KIRREL3: variants seen among roughly 807,000 people sequenced by gnomAD.
The protein encoded by KIRREL3 is kin of IRRE-like protein 3.
KIRREL3 carries 36 observed loss-of-function variants against 89.7 expected under a neutral mutation model. That is an observed-to-expected ratio of 0.40 (90% CI 0.31 to 0.53). The LOEUF (loss-of-function observed/expected upper bound fraction) is 0.53. Among genes scored for constraint, KIRREL3 ranks in the 20% least tolerant of loss-of-function variants. The pLI is 0.49. For missense variants in KIRREL3, 864 were observed against 1,056.6 expected (o/e 0.82, Z 2.53); for synonymous variants, 445 against 441.4 (o/e 1.01, Z -0.10).
chr11:126,991,053 T>C lies in KIRREL3; in HGVS notation c.55+9402A>G, dbSNP rs1186894751. ...GTCACCTGTGACATTTGCAGGTGAC[T>C]GACAGAAATGGGCACTGACATGCAT... is the stretch of plus-strand genomic sequence containing the variant. On this transcript the variant is annotated intron_variant, in intron 1 of 16. Transcript: ENST00000525144. The surrounding 1 kb of genome is among the most constrained non-coding windows in gnomAD (Gnocchi z 5.8). Among the ~76,000 whole-genome samples, 1 of 152,192 alleles carries C rather than the reference T, an allele frequency of 6.6e-6. No individual in the cohort carries two copies. The highest frequency in any genetic ancestry group is 1.5e-5 in the Non-Finnish European group (1 of 68,042).
intron 1 of KIRREL3, among the ~76,000 whole-genome samples, chr11:126,665,672 C>T (rs552893074): frequency 5.3e-4 from 81 of 152,296 alleles, no homozygotes; most frequent in Admixed American, 9.8e-4. Flanking sequence ...TGGACTTCTC[C>T]ACCTCCAGAA....
intron 1 of KIRREL3, among the ~76,000 whole-genome samples, chr11:126,880,085 T>C (rs184000270): frequency 1.6e-3 from 248 of 152,336 alleles, no homozygotes; most frequent in Admixed American, 2.5e-3. Context: ...CTTGGATGAA[T>C]GGATTAGCCA....
chr11:126,955,020 T>C lies in KIRREL3; in HGVS notation c.55+45435A>G, dbSNP rs777659087. Reference sequence around the variant, plus strand: ...GCTCAGCTGAGGCTGAGAGGCTGGCTGAAGCAGGAAGAACTGACCCTCTCT... The same window carrying C: ...GCTCAGCTGAGGCTGAGAGGCTGGCCGAAGCAGGAAGAACTGACCCTCTCT... On this transcript the variant is annotated intron_variant, in intron 1 of 16. Transcript: ENST00000525144. This position sits in a 1 kb window ranked among gnomAD's most constrained non-coding sequence, Gnocchi z 4.6. Among the ~76,000 whole-genome samples, 5 of 152,156 alleles carry C rather than the reference T, an allele frequency of 3.3e-5. No individual in the cohort carries two copies. The highest frequency in any genetic ancestry group is 7.3e-5 in the Non-Finnish European group (5 of 68,040).
Position 126,555,435 on chromosome 11 carries a change from C to T in KIRREL3, c.133+7400G>A, listed in dbSNP as rs1337073147. Among the ~76,000 whole-genome samples, 1 of 152,200 alleles carries T rather than the reference C, an allele frequency of 6.6e-6. No homozygotes were observed. Among genetic ancestry groups the T allele is most frequent in the East Asian group, 1.9e-4 (1 of 5,184 alleles). On this transcript the variant is annotated intron_variant, in intron 2 of 16. Coordinates refer to ENST00000525144, the MANE Select transcript of KIRREL3 (RefSeq NM_032531.4). This position sits in a 1 kb window ranked among gnomAD's most constrained non-coding sequence, Gnocchi z 4.2. ...GATCTGGTTCTACGGGAGCATGTGACACAGGAACTGGATCTTGACTGAGGA... is the reference window on the plus strand; with the variant it reads ...GATCTGGTTCTACGGGAGCATGTGATACAGGAACTGGATCTTGACTGAGGA...
rs1031020862 is a variant in KIRREL3, at chr11:126,935,009, T to C, written c.55+65446A>G. On this transcript the variant is annotated intron_variant, in intron 1 of 16. Transcript: ENST00000525144. ...TTGCAGTGAGCCGGGGTGACACCAC[T>C]GCACTCCAGCTTCCAGCTTGGGCCA... The C allele has an allele frequency of 2.7e-5, 4 of 147,886 alleles. No homozygotes were observed. The East Asian group carries it at 7.9e-4, about 29-fold the overall frequency. 9.2% of individuals were successfully genotyped at this position (147,886 alleles called of 1,614,324 possible).
Position 126,640,035 on chromosome 11 carries a change from T to C in KIRREL3, c.56-77123A>G, listed in dbSNP as rs1944409072. Among the ~76,000 whole-genome samples, 1 of 152,178 alleles carries C rather than the reference T, an allele frequency of 6.6e-6. No individual in the cohort carries two copies. The highest frequency in any genetic ancestry group is 1.5e-5 in the Non-Finnish European group (1 of 68,034). On this transcript the variant is annotated intron_variant, in intron 1 of 16. Transcript: ENST00000525144. This position sits in a 1 kb window ranked among gnomAD's most constrained non-coding sequence, Gnocchi z 4.9. ...TACTAAATAACTTCATTACGATCAG[T>C]ACTGTGACAATGAATATGAAATGAA... is the stretch of plus-strand genomic sequence containing the variant.
In KIRREL3 at chr11:126,449,167, A is replaced by C; in HGVS notation, c.849-10T>G. On this transcript the variant is annotated splice_polypyrimidine_tract_variant and intron_variant, in intron 7 of 16. Coordinates refer to ENST00000525144, the MANE Select transcript of KIRREL3 (RefSeq NM_032531.4). ...GCCCCGCTTGGCCCACCTGCAACAAAGGCCAGGGGCTGATGTGGGCCTTGA... is the reference window on the plus strand; with the variant it reads ...GCCCCGCTTGGCCCACCTGCAACAACGGCCAGGGGCTGATGTGGGCCTTGA... 1 of 1,613,560 alleles carries C rather than the reference A, an allele frequency of 6.2e-7. No homozygotes were observed.
In KIRREL3 at chr11:126,955,387, G is replaced by A. The variant is rs530716592; in HGVS notation, c.55+45068C>T. Among the ~76,000 whole-genome samples the A allele has an allele frequency of 9.2e-5, 14 of 152,316 alleles. No homozygotes were observed. The South Asian group carries it at 2.9e-3, about 32-fold the overall frequency. On this transcript the variant is annotated intron_variant, in intron 1 of 16. Transcript: ENST00000525144. The surrounding 1 kb of genome is among the most constrained non-coding windows in gnomAD (Gnocchi z 4.6). ...CCCTAACAAAGGGGAGGAGGTTGGA[G>A]AGCATTAACAGATTTACTCACCCAA... is the stretch of plus-strand genomic sequence containing the variant.
chr11:126,457,390 TG>T (rs1258245320), intron 6 of KIRREL3, among the ~76,000 whole-genome samples: 15 of 151,400 alleles, frequency 9.9e-5, no homozygotes, highest in South Asian at 6.3e-4. Flanking sequence ...TGTATGCGTG[TG>T]TGTGTATGTG....
At chr11:126,457,187 G>A (rs1475135907) in intron 6 of KIRREL3, among the ~76,000 whole-genome samples, 1 of 103,800 alleles carries the variant, frequency 9.6e-6, no homozygotes, top group African/African-American at 3.1e-5. Flanking sequence ...GAGAGATTAT[G>A]TGTGTGTGTG....
Position 126,953,810 on chromosome 11 carries a change from T to G in KIRREL3, c.55+46645A>C, listed in dbSNP as rs1219851484. Among the ~76,000 whole-genome samples, 1 of 152,190 alleles carries G rather than the reference T, an allele frequency of 6.6e-6. No individual in the cohort carries two copies. The highest frequency in any genetic ancestry group is 2.4e-5 in the African/African-American group (1 of 41,444). Reference sequence around the variant, plus strand: ...CTCAAACAGCTTTTCTGATATACTGTTTTTATATAAATTCTGCAGTGACTT... The same window carrying G: ...CTCAAACAGCTTTTCTGATATACTGGTTTTATATAAATTCTGCAGTGACTT... On this transcript the variant is annotated intron_variant, in intron 1 of 16. Transcript: ENST00000525144. This position sits in a 1 kb window ranked among gnomAD's most constrained non-coding sequence, Gnocchi z 5.2.
rs1214600855 is a variant in KIRREL3, at chr11:126,668,313, C to T, written c.56-105401G>A. Among the ~76,000 whole-genome samples the T allele has an allele frequency of 3.9e-5, 6 of 152,124 alleles. No homozygotes were observed. Among genetic ancestry groups the T allele is most frequent in the Non-Finnish European group, 7.4e-5 (5 of 68,024 alleles). On this transcript the variant is annotated intron_variant, in intron 1 of 16. Coordinates refer to ENST00000525144, the MANE Select transcript of KIRREL3 (RefSeq NM_032531.4). The surrounding 1 kb of genome is among the most constrained non-coding windows in gnomAD (Gnocchi z 4.4). ...AGGCACTAATCCCATTCATGAACTC[C>T]GTTTTCATGACCTAATCACCTCCCA...
intron 1 of KIRREL3, among the ~76,000 whole-genome samples, chr11:126,816,289 A>G (rs887358490): frequency 6.6e-6 from 1 of 152,230 alleles, no homozygotes; most frequent in African/African-American, 2.4e-5. Flanking sequence ...TGTCAGCTCA[A>G]TTATCCTACA....
rs1054065526 is a variant in KIRREL3, at chr11:126,682,535, T to C, written c.56-119623A>G. 1.3e-5 allele frequency among the ~76,000 whole-genome samples: 2 copies of C among 152,188 alleles called. No homozygotes were observed. Among genetic ancestry groups the C allele is most frequent in the Non-Finnish European group, 2.9e-5 (2 of 68,030 alleles). ...TCTGAGTGCGGAGCTTTTTTGTCAA[T>C]TTTTTAAAGACAGTGGTCCCCAGCA... On this transcript the variant is annotated intron_variant, in intron 1 of 16. Transcript: ENST00000525144. The surrounding 1 kb of genome is among the most constrained non-coding windows in gnomAD (Gnocchi z 4.8).
chr11:126,885,568 A>G (rs1030639441), intron 1 of KIRREL3, among the ~76,000 whole-genome samples: 5 of 152,028 alleles, frequency 3.3e-5, no homozygotes, highest in Non-Finnish European at 5.9e-5. Context: ...CAACCTCATC[A>G]TCGTTATCAT....
rs1326567154 is a variant in KIRREL3 at position 126,696,985 on chromosome 11, A to C, written c.56-134073T>G. Among the ~76,000 whole-genome samples, 1 of 150,808 alleles carries C rather than the reference A, an allele frequency of 6.6e-6. No individual in the cohort carries two copies. The highest frequency in any genetic ancestry group is 1.9e-4 in the East Asian group (1 of 5,184). On this transcript the variant is annotated intron_variant, in intron 1 of 16. Transcript: ENST00000525144. The surrounding 1 kb of genome is among the most constrained non-coding windows in gnomAD (Gnocchi z 4.4). Reference sequence around the variant, plus strand: ...GTGGTATAATGCACTTAAACATGACAAAAAAAATGCACTAAATAAGTGTCA... The same window carrying C: ...GTGGTATAATGCACTTAAACATGACCAAAAAAATGCACTAAATAAGTGTCA...
Position 126,609,213 on chromosome 11 carries a change from T to C in KIRREL3, c.56-46301A>G, listed in dbSNP as rs768174726. 4.6e-5 allele frequency among the ~76,000 whole-genome samples: 7 copies of C among 152,002 alleles called. No individual in the cohort carries two copies. The highest frequency in any genetic ancestry group is 8.8e-5 in the Non-Finnish European group (6 of 67,988). ...GGAAAGGGGTGCGGGGAAGGTTGGG[T>C]TCAGAAGGAGAGACTCTCCAGCCAC... On this transcript the variant is annotated intron_variant, in intron 1 of 16. Coordinates refer to ENST00000525144, the MANE Select transcript of KIRREL3 (RefSeq NM_032531.4). This position sits in a 1 kb window ranked among gnomAD's most constrained non-coding sequence, Gnocchi z 5.0.
At position 126,449,476 on chromosome 11, in the gene KIRREL3, C is replaced by T. The variant is rs56680523; in HGVS notation, c.849-319G>A. 3.4e-3 allele frequency among the ~76,000 whole-genome samples: 524 copies of T among 152,286 alleles called. 8 individuals carry two copies. In the Middle Eastern group the frequency reaches 0.051, roughly 15 times the overall value. On this transcript the variant is annotated intron_variant, in intron 7 of 16. Coordinates refer to ENST00000525144, the MANE Select transcript of KIRREL3 (RefSeq NM_032531.4). ...CTGGTCAGCCCATCTGCTGGCTAGA[C>T]GATGGAAAATCCAACTGTCAGTGGG...
At chr11:126,450,729 G>A in intron 7 of KIRREL3, among the ~76,000 whole-genome samples, 1 of 130,552 alleles carries the variant, frequency 7.7e-6, no homozygotes, top group East Asian at 1.9e-4. Context: ...ATGTGTGAAT[G>A]TGGGCATGTG....
Sources: allele counts gnomAD v4.1 joint callset (sites outside exome capture counted in the v4.1 genomes callset), GRCh38; gene constraint gnomAD v4.1.1; non-coding constraint Gnocchi (gnomAD v3.1); transcripts MANE v1.5; gene names NCBI Gene and HGNC (gene_info 2026-07-23, HGNC 2026-07-21).